Variants in NEDD4 observed in about 807,000 individuals in gnomAD.
NEDD4 encodes NEDD4 E3 ubiquitin protein ligase.
Under a neutral mutation model 144.9 loss-of-function variants are expected in NEDD4, and 99 were observed. The observed-to-expected ratio is 0.68, with a 90% CI of 0.58 to 0.81. NEDD4 has a LOEUF of 0.81. Ranked by LOEUF, NEDD4 falls within the 30% of genes least tolerant of loss-of-function variation. The probability of loss-of-function intolerance (pLI) is 0.00; values close to 1 mark genes in which losing one functional copy is unlikely to be tolerated. For synonymous variants in NEDD4, 318 were observed against 350.6 expected, an observed-to-expected ratio of 0.91 and a Z score of 1.04; for missense variants, 985 against 1,065.9, an observed-to-expected ratio of 0.92 and a Z score of 1.06.
intron 4 of NEDD4, among the ~76,000 whole-genome samples, chr15:55,939,277 G>T (rs143883316): frequency 6.6e-6 from 1 of 152,124 alleles, no homozygotes; most frequent in Admixed American, 6.5e-5. Flanking sequence ...TCTCATGACA[G>T]TGAGTTCATT....
At chr15:55,964,183 T>C (rs1006710641) in intron 2 of NEDD4, among the ~76,000 whole-genome samples, 97 of 114,282 alleles carry the variant, frequency 8.5e-4, no homozygotes, top group African/African-American at 2.9e-3. Context: ...TCAAAAAATA[T>C]TGTGCCTTCT....
At chr15:55,923,659 A>ATATATATAT (rs1555404568) in intron 5 of NEDD4, among the ~76,000 whole-genome samples, 44 of 135,286 alleles carry the variant, frequency 3.3e-4, no homozygotes, top group African/African-American at 1.2e-3. Flanking sequence ...AAAAAAAAAA[A>ATATATATAT]ATATATATAT....
chr15:55,914,547 A>T (rs2036373806), intron 5 of NEDD4, among the ~76,000 whole-genome samples: 1 of 151,996 alleles, frequency 6.6e-6, no homozygotes, highest in Non-Finnish European at 1.5e-5. Flanking sequence ...CAAATTCAAA[A>T]ATATTAAAAC....
intron 2 of NEDD4, among the ~76,000 whole-genome samples, chr15:55,961,032 T>C (rs1340804835): frequency 6.6e-6 from 1 of 152,246 alleles, no homozygotes; most frequent in Non-Finnish European, 1.5e-5. Flanking sequence ...CACTCGACCC[T>C]AACTTGTTTG....
chr15:55,875,914 C>T (rs1470269947), intron 5 of NEDD4, among the ~76,000 whole-genome samples: 1 of 152,082 alleles, frequency 6.6e-6, no homozygotes, highest in African/African-American at 2.4e-5. Flanking sequence ...TCAATAAAGT[C>T]AGTGAACTGA....
intron 2 of NEDD4, among the ~76,000 whole-genome samples, chr15:55,955,658 A>G (rs2037323340): frequency 6.6e-6 from 1 of 152,102 alleles, no homozygotes; most frequent in African/African-American, 2.4e-5. Flanking sequence ...TAAAGGCTGA[A>G]TAAACACTGT....
chr15:55,968,787 T>C (rs2142333920), intron 1 of NEDD4, among the ~76,000 whole-genome samples: 1 of 152,300 alleles, frequency 6.6e-6, no homozygotes, highest in African/African-American at 2.4e-5. Flanking sequence ...CCTAGATAAA[T>C]GTACATCTAT....
At position 55,884,344 on chromosome 15, in the gene NEDD4, C is replaced by T. The variant is rs77522108; in HGVS notation, c.292-10336G>A. ...AAGGATGGGTAAAAATAAGCATAGACTGTGAAGACTATAATAAATACCTAA... is the reference window on the plus strand; with the variant it reads ...AAGGATGGGTAAAAATAAGCATAGATTGTGAAGACTATAATAAATACCTAA... On this transcript the variant is annotated intron_variant, in intron 5 of 28. Coordinates refer to ENST00000435532, the MANE Select transcript of NEDD4 (RefSeq NM_006154.4). Among the ~76,000 whole-genome samples, 6 of 152,260 alleles carry T rather than the reference C, an allele frequency of 3.9e-5. No homozygotes were observed. The East Asian group carries it at 1.2e-3, about 29-fold the overall frequency.
intron 1 of NEDD4, among the ~76,000 whole-genome samples, chr15:55,991,397 GA>G (rs1445987274): frequency 6.6e-6 from 1 of 152,068 alleles, no homozygotes; most frequent in Non-Finnish European, 1.5e-5. Flanking sequence ...ACCTCCACAA[GA>G]AAAAAAGTGA....
chr15:55,850,822 C>T (rs1235748164), intron 13 of NEDD4, 80 bp from the exon 14 acceptor site: 3 of 1,277,080 alleles, frequency 2.3e-6, no homozygotes, highest in Non-Finnish European at 3.2e-6. Context: ...GTAACTTAAC[C>T]TGCAAATAGA....
At chr15:55,922,360 T>C (rs1327414638) in intron 5 of NEDD4, among the ~76,000 whole-genome samples, 1 of 151,962 alleles carries the variant, frequency 6.6e-6, no homozygotes, top group Non-Finnish European at 1.5e-5. Flanking sequence ...AAATAAACAA[T>C]GTGGGTTTTT....
intron 5 of NEDD4, among the ~76,000 whole-genome samples, chr15:55,898,925 G>A (rs2142147571): frequency 6.6e-6 from 1 of 152,282 alleles, no homozygotes; most frequent in Non-Finnish European, 1.5e-5. Flanking sequence ...ACAGGCGTGA[G>A]CCACTGTACC....
intron 5 of NEDD4, among the ~76,000 whole-genome samples, chr15:55,921,420 G>T (rs2036566951): frequency 6.6e-6 from 1 of 151,876 alleles, no homozygotes; most frequent in Admixed American, 6.6e-5. Context: ...CACCTCCTGG[G>T]CTCAAGCAAT....
At chr15:55,925,985 CAT>C (rs2036655710) in intron 4 of NEDD4, among the ~76,000 whole-genome samples, 1 of 151,718 alleles carries the variant, frequency 6.6e-6, no homozygotes, top group East Asian at 1.9e-4. Context: ...AATACATATA[CAT>C]ATGTATCATA....
chr15:55,959,578 A>G (rs2037393581), intron 2 of NEDD4, among the ~76,000 whole-genome samples: 1 of 152,204 alleles, frequency 6.6e-6, no homozygotes, highest in Non-Finnish European at 1.5e-5. Flanking sequence ...TAAGCATGGG[A>G]CAGATCTATA....
chr15:55,990,006 C>T (rs1402386619), intron 1 of NEDD4, among the ~76,000 whole-genome samples: 2 of 151,874 alleles, frequency 1.3e-5, no homozygotes, highest in Admixed American at 6.6e-5. Context: ...TCCATGCAAG[C>T]GATCTAGGTT....
intron 5 of NEDD4, 96 bp from the exon 6 acceptor site, chr15:55,874,104 G>GT (rs139714439): frequency 0.044 from 23,528 of 539,854 alleles, no homozygotes; most frequent in South Asian, 0.056. Flanking sequence ...AAAATGTAGA[G>GT]TTTTTTTTTT....
chr15:55,952,673 G>T lies in NEDD4; in HGVS notation c.120-1084C>A, dbSNP rs147283524. On this transcript the variant is annotated intron_variant, in intron 2 of 28. Transcript: ENST00000435532. ...CCTTACCCCTAACCTAGTGAGTCAG[G>T]AGTCCTCTTGTTTTGAGTCTCATCC... The T allele has an allele frequency of 1.3e-4, 20 of 152,332 alleles. 4 individuals are homozygous for T. Among genetic ancestry groups the T allele is most frequent in the African/African-American group, 4.8e-4 (20 of 41,534 alleles). 9.4% of individuals were successfully genotyped at this position (152,332 alleles called of 1,614,324 possible).
intron 24 of NEDD4, 66 bp downstream of exon 24, chr15:55,837,723 C>T: frequency 8.7e-7 from 1 of 1,148,512 alleles, no homozygotes. Context: ...GTGATGAGGC[C>T]TAATATTTGA....
Sources: gnomAD v4.1 joint callset for allele counts (sites outside exome capture counted in the v4.1 genomes callset) on GRCh38, gnomAD v4.1.1 for gene constraint, MANE v1.5 for transcripts, NCBI Gene and HGNC (gene_info 2026-07-23, HGNC 2026-07-21) for gene names.